The following CDC123 variants were observed in gnomAD, a reference collection of about 807,000 sequenced individuals.
CDC123 encodes the protein translation initiation factor eIF2 assembly protein.
CDC123 carries 37 observed loss-of-function variants against 54.4 expected under a neutral mutation model. The observed-to-expected ratio is 0.68, with a 90% CI of 0.52 to 0.89. The LOEUF (loss-of-function observed/expected upper bound fraction) is 0.89, where lower values mean the gene tolerates loss of function less well. Ranked by LOEUF, CDC123 falls within the 40% of genes least tolerant of loss-of-function variation. The pLI is 0.00. For synonymous variants in CDC123, 144 were observed against 136.8 expected, an observed-to-expected ratio of 1.05 and a Z score of -0.37; for missense variants, 361 against 412.1, an observed-to-expected ratio of 0.88 and a Z score of 1.07.
intron 1 of CDC123, among the ~76,000 whole-genome samples, chr10:12,198,292 A>G (rs1453161549): frequency 6.6e-6 from 1 of 152,140 alleles, no homozygotes; most frequent in Admixed American, 6.5e-5. Context: ...TCTTGACTCT[A>G]CTTCTGCCCT....
chr10:12,211,916 G>A (rs181207564), intron 4 of CDC123, among the ~76,000 whole-genome samples: 14 of 152,166 alleles, frequency 9.2e-5, no homozygotes, highest in Non-Finnish European at 1.3e-4. Flanking sequence ...GTGAAACCCC[G>A]TCTCTACTAA....
intron 4 of CDC123, 138 bp from the exon 5 acceptor site, chr10:12,215,602 G>A: frequency 2.2e-6 from 1 of 445,670 alleles, no homozygotes; most frequent in Non-Finnish European, 4.0e-6. Context: ...ATTTAGCTGG[G>A]TTCAGAAATT....
Position 12,227,608 on chromosome 10 carries a change from G to A in CDC123, c.441-3340G>A, listed in dbSNP as rs185787100. 1.4e-4 allele frequency among the ~76,000 whole-genome samples: 21 copies of A among 151,312 alleles called. No homozygotes were observed. In the East Asian group the frequency reaches 3.7e-3, roughly 27 times the overall value. ...CAACTCCTGGGTTCAAGGGATTCTC[G>A]TGCCTCAGCCTCCCAAGTAGCTGAG... On this transcript the variant is annotated intron_variant, in intron 6 of 12. Coordinates refer to ENST00000281141, the MANE Select transcript of CDC123 (RefSeq NM_006023.3).
At chr10:12,212,831 G>A (rs1032679198) in intron 4 of CDC123, among the ~76,000 whole-genome samples, 1 of 152,188 alleles carries the variant, frequency 6.6e-6, no homozygotes. Context: ...TTAGATTTGG[G>A]TCCCATCCCC....
intron 5 of CDC123, among the ~76,000 whole-genome samples, chr10:12,216,901 T>TG (rs1421591783): frequency 1.3e-5 from 2 of 152,236 alleles, no homozygotes; most frequent in Non-Finnish European, 2.9e-5. Flanking sequence ...CTTTCAGATT[T>TG]GATAGACGTG....
chr10:12,198,641 G>C (rs11257591), intron 1 of CDC123, 64 bp from the exon 2 acceptor site: 86,491 of 855,812 alleles, frequency 0.1, 4,792 homozygotes, highest in Non-Finnish European at 0.11. Context: ...CAAGTGTAGA[G>C]ATTTTTCTCT....
intron 4 of CDC123, among the ~76,000 whole-genome samples, chr10:12,212,273 A>G (rs994240969): frequency 6.6e-6 from 1 of 152,120 alleles, no homozygotes; most frequent in African/African-American, 2.4e-5. Context: ...ACCATTCTCC[A>G]CTAAACAAAA....
chr10:12,231,656 T>C (rs573620731), intron 7 of CDC123, among the ~76,000 whole-genome samples: 1 of 146,808 alleles, frequency 6.8e-6, no homozygotes, highest in Non-Finnish European at 1.5e-5. Flanking sequence ...AATAAGAGGA[T>C]AGTGAAAAAA....
At chr10:12,233,026 T>G (rs1564256022) in intron 7 of CDC123, among the ~76,000 whole-genome samples, 1 of 152,156 alleles carries the variant, frequency 6.6e-6, no homozygotes, top group Admixed American at 6.5e-5. Context: ...CCCAAAGTGC[T>G]GGGATTACAG....
intron 2 of CDC123, among the ~76,000 whole-genome samples, chr10:12,206,958 CAAAAAAA>C (rs35906839): frequency 2.0e-5 from 2 of 100,920 alleles, no homozygotes; most frequent in African/African-American, 3.7e-5. Context: ...GACTCCATCT[CAAAAAAA>C]AAAAAAAAAA....
intron 10 of CDC123, among the ~76,000 whole-genome samples, chr10:12,239,746 C>T (rs540990719): frequency 2.4e-3 from 362 of 151,122 alleles, no homozygotes; most frequent in Non-Finnish European, 4.3e-3. Context: ...CGGTGGCTCA[C>T]ACCTGTAATC....
rs550486480 is a variant in CDC123 at position 12,239,938 on chromosome 10, GC to G, written c.717+1454del. Among the ~76,000 whole-genome samples the G allele has an allele frequency of 4.9e-3, 735 of 150,866 alleles. 8 individuals carry two copies. Among genetic ancestry groups the G allele is most frequent in the African/African-American group, 0.016 (678 of 41,140 alleles). On this transcript the variant is annotated intron_variant, in intron 10 of 12. Coordinates refer to ENST00000281141, the MANE Select transcript of CDC123 (RefSeq NM_006023.3). The stretch of plus-strand genomic sequence containing the variant: ...CGGGAGAATGGCGTGAACCCGGGAG[GC>G]GGAGCTTGCAGTGAGCCGAGATCGC...
At chr10:12,197,939 A>C (rs1472078969) in intron 1 of CDC123, among the ~76,000 whole-genome samples, 1 of 152,204 alleles carries the variant, frequency 6.6e-6, no homozygotes, top group Non-Finnish European at 1.5e-5. Context: ...ATGTTCTGTT[A>C]ACTTCGGGAA....
At chr10:12,197,832 G>C (rs1835385031) in intron 1 of CDC123, among the ~76,000 whole-genome samples, 1 of 152,018 alleles carries the variant, frequency 6.6e-6, no homozygotes, top group African/African-American at 2.4e-5. Context: ...TAAAACCGAA[G>C]TAGCCCATGA....
At chr10:12,205,655 C>T (rs1835508936) in intron 2 of CDC123, among the ~76,000 whole-genome samples, 1 of 152,192 alleles carries the variant, frequency 6.6e-6, no homozygotes, top group South Asian at 2.1e-4. Context: ...GTCTGCCTGC[C>T]TCTAGAGCCA....
At chr10:12,241,530 T>C (rs1020019913) in intron 10 of CDC123, among the ~76,000 whole-genome samples, 1 of 152,210 alleles carries the variant, frequency 6.6e-6, no homozygotes, top group Admixed American at 6.5e-5. Flanking sequence ...CATCAATATA[T>C]TTATTTTATA....
chr10:12,200,102 T>C (rs1367916446), intron 2 of CDC123, among the ~76,000 whole-genome samples: 1 of 135,754 alleles, frequency 7.4e-6, no homozygotes, highest in Non-Finnish European at 1.5e-5. Flanking sequence ...ATTATAGGCC[T>C]GAGCCACCGC....
intron 10 of CDC123, among the ~76,000 whole-genome samples, chr10:12,241,746 C>T (rs1262514837): frequency 6.6e-6 from 1 of 152,220 alleles, no homozygotes; most frequent in Non-Finnish European, 1.5e-5. Context: ...TTGGGTTTTT[C>T]ATTTGCTTCT....
intron 2 of CDC123, among the ~76,000 whole-genome samples, chr10:12,206,206 TAAC>T (rs1428354240): frequency 6.6e-6 from 1 of 152,270 alleles, no homozygotes; most frequent in Non-Finnish European, 1.5e-5. Flanking sequence ...AATACCTTGA[TAAC>T]AAGTATGTTT....
Sources: allele counts gnomAD v4.1 joint callset (sites outside exome capture counted in the v4.1 genomes callset), GRCh38; gene constraint gnomAD v4.1.1; transcripts MANE v1.5; gene names NCBI Gene and HGNC (gene_info 2026-07-23, HGNC 2026-07-21).